Variants in NME7 observed in about 807,000 individuals in gnomAD.
The protein encoded by NME7 is NME/NM23 family member 7.
Under a neutral mutation model 49.1 loss-of-function variants are expected in NME7, and 41 were observed. The observed-to-expected ratio is 0.83, with a 90% CI of 0.65 to 1.08. The LOEUF is 1.08. Ranked by LOEUF, NME7 falls within the 50% of genes least tolerant of loss-of-function variation. The pLI is 0.00. For synonymous variants in NME7, 139 were observed against 150.6 expected (o/e 0.92, Z 0.56); for missense variants, 423 against 463.4 (o/e 0.91, Z 0.80).
At chr1:169,330,326 G>C (rs1162480999) in intron 1 of NME7, among the ~76,000 whole-genome samples, 1 of 152,156 alleles carries the variant, frequency 6.6e-6, no homozygotes, top group Non-Finnish European at 1.5e-5. Flanking sequence ...GTGGCGTATA[G>C]AGAAATGCAA....
chr1:169,331,959 G>C (rs986401440), intron 1 of NME7, among the ~76,000 whole-genome samples: 4 of 151,872 alleles, frequency 2.6e-5, no homozygotes, highest in African/African-American at 9.7e-5. Context: ...AATAGAAATA[G>C]AAAAAACAAT....
chr1:169,291,669 T>TA (rs1262858963), intron 6 of NME7, among the ~76,000 whole-genome samples: 2 of 140,748 alleles, frequency 1.4e-5, no homozygotes, highest in South Asian at 2.2e-4. Flanking sequence ...ATAATAATAA[T>TA]AAAAAGAAAT....
At chr1:169,304,821 C>A (rs888897000) in intron 4 of NME7, among the ~76,000 whole-genome samples, 1 of 151,918 alleles carries the variant, frequency 6.6e-6, no homozygotes, top group Non-Finnish European at 1.5e-5. Context: ...AACTGTAGAA[C>A]AACATTCTAG....
At chr1:169,319,158 C>T (rs1651764477) in intron 3 of NME7, among the ~76,000 whole-genome samples, 1 of 151,484 alleles carries the variant, frequency 6.6e-6, no homozygotes, top group African/African-American at 2.4e-5. Flanking sequence ...CTATATAATA[C>T]CTGAACACTG....
At position 169,346,994 on chromosome 1, in the gene NME7, A is replaced by T. The variant is rs186032907; in HGVS notation, c.3+20714T>A. On this transcript the variant is annotated intron_variant, in intron 1 of 11. Transcript: ENST00000367811. ...CCTGTTGACATGGAGCTTACTTACT[A>T]ATTTTCTGTCTCTCCTTATAGAATG... is the stretch of plus-strand genomic sequence containing the variant. Among the ~76,000 whole-genome samples the T allele has an allele frequency of 3.9e-5, 6 of 152,254 alleles. No homozygotes were observed. The East Asian group carries it at 5.8e-4, about 15-fold the overall frequency.
intron 4 of NME7, among the ~76,000 whole-genome samples, chr1:169,304,389 C>A (rs953244039): frequency 2.0e-5 from 3 of 152,244 alleles, no homozygotes; most frequent in Non-Finnish European, 4.4e-5. Context: ...CTTGAGAATT[C>A]ATTTGATATG....
chr1:169,237,000 G>A (rs181778147), intron 8 of NME7, among the ~76,000 whole-genome samples: 4 of 152,138 alleles, frequency 2.6e-5, no homozygotes, highest in East Asian at 1.9e-4. Context: ...CAAATGTACC[G>A]ATGAGTACAG....
Position 169,298,767 on chromosome 1 carries a change from C to T in NME7, c.441-4G>A, listed in dbSNP as rs1368051942. 4 of 1,611,720 alleles carry T rather than the reference C, an allele frequency of 2.5e-6. No homozygotes were observed. In the Admixed American group the frequency reaches 5.0e-5, roughly 20 times the overall value. On this transcript the variant is annotated splice_region_variant and splice_polypyrimidine_tract_variant and intron_variant, in intron 5 of 11. Transcript: ENST00000367811. The stretch of plus-strand genomic sequence containing the variant: ...TGTAATAAACTGGATCAGCTCACTA[C>T]AAAACAGATAGAAGATTAGTTTGCT...
Position 169,257,386 on chromosome 1 carries a change from G to A in NME7, c.755-19699C>T, listed in dbSNP as rs996930526. Among the ~76,000 whole-genome samples the A allele has an allele frequency of 6.7e-5, 9 of 134,622 alleles. 1 individual carries two copies. The highest frequency in any genetic ancestry group is 2.3e-4 in the South Asian group (1 of 4,398). 88.3% of individuals were successfully genotyped at this position (134,622 alleles called of 152,430 possible). A position where few individuals can be genotyped will look rare whatever the true frequency, so the allele number is the denominator to read the frequency against. ...GAAAGGGAACTCCCTGACCCCTTGC[G>A]CTTCCCAAGTGAGGCAATGCCTCGC... On this transcript the variant is annotated intron_variant, in intron 7 of 11. Transcript: ENST00000367811.
In NME7 at chr1:169,178,820, C is replaced by CTTTTTTT. The variant is rs57619644; in HGVS notation, c.991-9273_991-9267dup. 3.6e-3 allele frequency among the ~76,000 whole-genome samples: 449 copies of CTTTTTTT among 124,188 alleles called. 6 individuals are homozygous for CTTTTTTT. The highest frequency in any genetic ancestry group is 0.012 in the East Asian group (51 of 4,110). 81.5% of individuals were successfully genotyped at this position (124,188 alleles called of 152,430 possible). A position where few individuals can be genotyped will look rare whatever the true frequency, so the allele number is the denominator to read the frequency against. On this transcript the variant is annotated intron_variant, in intron 10 of 11. Coordinates refer to ENST00000367811, the MANE Select transcript of NME7 (RefSeq NM_013330.5). ...ATTAGACTTCTAGCTGAAACCTCTT[C>CTTTTTTT]TTTTTTTTTTTTTTTTTTGAGACAG... is the stretch of plus-strand genomic sequence containing the variant.
intron 7 of NME7, chr1:169,286,414 T>A (rs902047765): frequency 2.6e-5 from 4 of 152,098 alleles, no homozygotes; most frequent in African/African-American, 9.7e-5. Context: ...TTAAGGGTGA[T>A]CTTTTTAACC....
chr1:169,205,466 A>G (rs566621189), intron 10 of NME7, among the ~76,000 whole-genome samples: 1 of 152,278 alleles, frequency 6.6e-6, no homozygotes, highest in Admixed American at 6.5e-5. Context: ...CTAGGCTCTG[A>G]GAAAAGTAAG....
At chr1:169,180,685 T>C (rs574989151) in intron 10 of NME7, among the ~76,000 whole-genome samples, 18 of 152,310 alleles carry the variant, frequency 1.2e-4, no homozygotes, top group Admixed American at 2.6e-4. Context: ...TTTAAAATTG[T>C]CTAGTGGCCA....
chr1:169,249,827 C>T (rs528214815), intron 7 of NME7, among the ~76,000 whole-genome samples: 2 of 152,168 alleles, frequency 1.3e-5, no homozygotes, highest in East Asian at 3.9e-4. Context: ...TGGAATGAAA[C>T]CTACTTGGTC....
intron 7 of NME7, among the ~76,000 whole-genome samples, chr1:169,239,897 AGGT>A (rs1470312422): frequency 1.3e-5 from 2 of 152,070 alleles, no homozygotes. Flanking sequence ...AAGGGAGCAG[AGGT>A]GGCAGAAGCC....
chr1:169,251,600 T>C (rs1309498812), intron 7 of NME7, among the ~76,000 whole-genome samples: 2 of 149,666 alleles, frequency 1.3e-5, no homozygotes, highest in African/African-American at 4.9e-5. Flanking sequence ...AGGGTACATG[T>C]GCACATTGTG....
chr1:169,273,221 CCT>C (rs1393614912), intron 7 of NME7, among the ~76,000 whole-genome samples: 2 of 131,698 alleles, frequency 1.5e-5, no homozygotes, highest in African/African-American at 2.6e-5. Flanking sequence ...CCTCCCACCC[CCT>C]GACAGGCCCC....
chr1:169,273,477 A>G (rs1296487969), intron 7 of NME7, among the ~76,000 whole-genome samples: 2 of 130,836 alleles, frequency 1.5e-5, no homozygotes, highest in African/African-American at 5.2e-5. Context: ...TTTTATTATT[A>G]TACTTTAAGT....
At chr1:169,309,778 C>A (rs1651313839) in intron 4 of NME7, among the ~76,000 whole-genome samples, 192 bp downstream of exon 4, 1 of 152,008 alleles carries the variant, frequency 6.6e-6, no homozygotes, top group Non-Finnish European at 1.5e-5. Flanking sequence ...AAGATCAAAT[C>A]TTTTAGGGGG....
Sources: allele counts gnomAD v4.1 joint callset (sites outside exome capture counted in the v4.1 genomes callset), GRCh38; gene constraint gnomAD v4.1.1; transcripts MANE v1.5; gene names NCBI Gene and HGNC (gene_info 2026-07-23, HGNC 2026-07-21).